OGG1: variants seen among roughly 807,000 people sequenced by gnomAD.
OGG1 encodes the protein N-glycosylase/DNA lyase.
OGG1 carries 35 observed loss-of-function variants against 42.3 expected under a neutral mutation model. The observed-to-expected ratio is 0.83, with a 90% CI of 0.63 to 1.10. The LOEUF is 1.10. Among genes scored for constraint, OGG1 ranks in the 50% least tolerant of loss-of-function variants. The pLI is 0.00. For synonymous variants in OGG1, 189 were observed against 179.0 expected, an observed-to-expected ratio of 1.06 and a Z score of -0.44; for missense variants, 484 against 446.7, an observed-to-expected ratio of 1.08 and a Z score of -0.75.
chr3:9,790,326 G>C (rs1359769204), downstream of OGG1, among the ~76,000 whole-genome samples: 1 of 152,196 alleles, frequency 6.6e-6, no homozygotes, highest in African/African-American at 2.4e-5. Flanking sequence ...GTTCTTAGAT[G>C]CTAAAATACA....
chr3:9,756,613 A>G lies in OGG1; in HGVS notation c.890A>G (p.Lys297Arg). The change falls in exon 5 of 7, where the codon AAG becomes AGG. Residue 297 changes from lysine (K) to arginine (R), a missense_variant. Coordinates refer to ENST00000344629, the MANE Select transcript of OGG1 (RefSeq NM_002542.6). ...AAGGGACCGAGCCCCCAGACCAACAAGGAACTGGGTGAGGAAAGTGGGCTG... is the reference window on the plus strand; with the variant it reads ...AAGGGACCGAGCCCCCAGACCAACAGGGAACTGGGTGAGGAAAGTGGGCTG... ...QAKGPSPQTNKELGNFFRSLW... is the reference protein window; with the variant it reads ...QAKGPSPQTNRELGNFFRSLW... 6.2e-7 allele frequency: 1 copy of G among 1,613,520 alleles called. No homozygotes were observed. The highest frequency in any genetic ancestry group is 8.5e-7 in the Non-Finnish European group (1 of 1,179,428).
chr3:9,776,270 C>G (rs372448607), intron 2 of OGG1, among the ~76,000 whole-genome samples: 1 of 152,146 alleles, frequency 6.6e-6, no homozygotes. Flanking sequence ...TTCTGCCCAG[C>G]AATTTTCTTT....
chr3:9,754,626 A>C, intron 3 of OGG1, 78 bp from the exon 4 acceptor site: 4 of 1,476,254 alleles, frequency 2.7e-6, no homozygotes, highest in East Asian at 2.3e-5. Context: ...CTTGTGAGGT[A>C]GAGAGCTCAC....
intron 3 of OGG1, among the ~76,000 whole-genome samples, chr3:9,786,354 C>G (rs1403195683): frequency 1.3e-5 from 2 of 152,144 alleles, no homozygotes; most frequent in Non-Finnish European, 2.9e-5. Flanking sequence ...TAGAGACCTG[C>G]CCCTTCCCCT....
chr3:9,759,875 C>A, downstream of OGG1: 1 of 1,510,758 alleles, frequency 6.6e-7, no homozygotes, highest in Non-Finnish European at 9.0e-7. Context: ...CAGTCCATGC[C>A]CCACCCCACC....
downstream of OGG1, chr3:9,761,819 C>T: frequency 1.3e-6 from 2 of 1,592,670 alleles, no homozygotes; most frequent in Non-Finnish European, 1.7e-6. Flanking sequence ...GTAGAACCTT[C>T]TGCCGCTCCA....
rs1163393225 is a variant in OGG1, at chr3:9,765,751, C to T, written c.1049-58C>T. 5 of 1,613,604 alleles carry T rather than the reference C, an allele frequency of 3.1e-6. No individual in the cohort carries two copies. The Admixed American group carries it at 6.7e-5, about 22-fold the overall frequency. On this transcript the variant is annotated intron_variant, in intron 7 of 7. Transcript: ENST00000302008. ...GCTTGGGGCAGGGAAAGGCTGTGGC[C>T]CACGCACTTGTGCAGGACAGCAATC...
At chr3:9,767,804 A>C, downstream of OGG1, 1 of 1,607,300 alleles carries the variant, frequency 6.2e-7, no homozygotes, top group South Asian at 1.1e-5. Flanking sequence ...TGGAAGGAGG[A>C]GACTCAGCAG....
At chr3:9,784,549 C>T (rs2078559996) in intron 3 of OGG1, among the ~76,000 whole-genome samples, 1 of 151,266 alleles carries the variant, frequency 6.6e-6, no homozygotes, top group African/African-American at 2.4e-5. Context: ...AGGTTTTTTC[C>T]CTTATGTGCA....
Position 9,764,611 on chromosome 3 carries a change from G to GTTTTT in OGG1, c.1049-1197_1049-1193dup, listed in dbSNP as rs1310854701. ...ACAGGCGTGAGCCACTGCGCCTGGC[G>GTTTTT]TTTTTGTTTTTTTTTTGTTTTTTTT... On this transcript the variant is annotated intron_variant, in intron 7 of 7. Coordinates refer to the OGG1 transcript ENST00000302008. Among the ~76,000 whole-genome samples, 96 of 125,122 alleles carry GTTTTT rather than the reference G, an allele frequency of 7.7e-4. 9 individuals carry two copies. Among genetic ancestry groups the GTTTTT allele is most frequent in the East Asian group, 2.8e-3 (9 of 3,240 alleles). The allele number at this position is 125,122 out of a possible 152,430, so 82.1% of individuals were successfully genotyped here. A position where few individuals can be genotyped will look rare whatever the true frequency, so the allele number is the denominator to read the frequency against.
rs767370091 is a variant in OGG1, at chr3:9,787,763, GA to G, written c.*33del. The G allele has an allele frequency of 4.7e-5, 58 of 1,236,624 alleles. No individual in the cohort carries two copies. The East Asian group carries it at 2.6e-3, about 55-fold the overall frequency. 76.6% of individuals were successfully genotyped at this position (1,236,624 alleles called of 1,614,324 possible). A position where few individuals can be genotyped will look rare whatever the true frequency, so the allele number is the denominator to read the frequency against. The stretch of plus-strand genomic sequence containing the variant: ...AAGAAATCAGATAAGTGAAGTGAAA[GA>G]GAGAGATCAAAGTGTTGTGGCAGCA... On this transcript the variant is annotated 3_prime_UTR_variant, in exon 4 of 4. Transcript: ENST00000426518.
chr3:9,784,738 G>A (rs1474901042), intron 3 of OGG1, among the ~76,000 whole-genome samples: 8 of 151,864 alleles, frequency 5.3e-5, no homozygotes, highest in African/African-American at 1.7e-4. Flanking sequence ...GGTGGCAGGC[G>A]CCTGTAATCA....
rs148705264 is a variant in OGG1, at chr3:9,776,363, A to C, written c.295-5150A>C. Among the ~76,000 whole-genome samples, 1,319 of 148,474 alleles carry C rather than the reference A, an allele frequency of 8.9e-3. 12 individuals are homozygous for C. The highest frequency in any genetic ancestry group is 0.015 in the Non-Finnish European group (1,032 of 67,326). ...CCCCAGGTCCCTGCCAACTTTGCAC[A>C]GTCTTCTTTTTTCTTTTTTCTTTTC... On this transcript the variant is annotated intron_variant, in intron 2 of 3. Transcript: ENST00000426518.
downstream of OGG1, chr3:9,767,678 A>G (rs992180079): frequency 6.2e-7 from 1 of 1,613,998 alleles, no homozygotes; most frequent in Non-Finnish European, 8.5e-7. Context: ...TGCCCAGAAC[A>G]TCTCGGAAGT....
rs778262169 is a variant in OGG1 at position 9,751,081 on chromosome 3, G to T, written c.274G>T (p.Glu92Ter). ...KSQASRPTPD[E>*]LEAVRKYFQL... ...CCAGGCTAGCAGGCCCACACCAGAC[G>T]AGCTGGAGGCCGTGCGCAAGTACTT... The change falls in exon 2 of 7, where the codon GAG becomes TAG. Residue 92 changes from glutamate (E) to a stop codon, truncating the protein, a stop_gained. Coordinates refer to ENST00000344629, the MANE Select transcript of OGG1 (RefSeq NM_002542.6). LOFTEE classifies it high-confidence loss of function. The T allele has an allele frequency of 6.2e-7, 1 of 1,613,962 alleles. No individual in the cohort carries two copies. The highest frequency in any genetic ancestry group is 8.5e-7 in the Non-Finnish European group (1 of 1,179,984).
downstream of OGG1, chr3:9,762,112 A>T (rs6763347): frequency 0.21 from 38,320 of 183,082 alleles, 4,695 homozygotes; most frequent in East Asian, 0.56. Context: ...ACAGATGAGG[A>T]AACTGATGCC....
rs773083779 is a variant in OGG1, at chr3:9,786,970, G to A, written c.383-758G>A. On this transcript the variant is annotated intron_variant, in intron 3 of 3. Coordinates refer to the OGG1 transcript ENST00000426518. ...TAAGCATAACACATTAAAACACAAA[G>A]TAAATATGGTTCCTCTTTTGGGTTA... The A allele has an allele frequency of 5.1e-6, 8 of 1,561,162 alleles. No individual in the cohort carries two copies. In the South Asian group the frequency reaches 6.7e-5, roughly 13 times the overall value.
intron 3 of OGG1, among the ~76,000 whole-genome samples, chr3:9,752,529 CAAAAAAAAA>C (rs144337359): frequency 1.3e-5 from 1 of 75,018 alleles, no homozygotes; most frequent in East Asian, 4.9e-4. Flanking sequence ...GACTCTGTCT[CAAAAAAAAA>C]AAAAAAAAAA....
downstream of OGG1, among the ~76,000 whole-genome samples, chr3:9,790,820 T>A (rs762852187): frequency 2.6e-5 from 4 of 152,202 alleles, no homozygotes; most frequent in Non-Finnish European, 2.9e-5. Context: ...CAAAGTCACA[T>A]AGCTAGGAAA....
Sources: gnomAD v4.1 joint callset for allele counts (sites outside exome capture counted in the v4.1 genomes callset) on GRCh38, gnomAD v4.1.1 for gene constraint, MANE v1.5 for transcripts, NCBI Gene and HGNC (gene_info 2026-07-23, HGNC 2026-07-21) for gene names.